The following BPTF variants were observed in gnomAD, a reference collection of about 807,000 sequenced individuals.
BPTF encodes nucleosome-remodeling factor subunit BPTF.
A neutral mutation model predicts 292.5 loss-of-function variants in BPTF; 18 were observed. That is an observed-to-expected ratio of 0.06 (90% confidence interval 0.04 to 0.09). BPTF has a LOEUF of 0.09. BPTF is among the 10% of genes least tolerant of loss of function. The pLI is 1.00. For synonymous variants in BPTF, 1,225 were observed against 1,251.9 expected (o/e 0.98, Z 0.45); for missense variants, 2,726 against 3,498.7 (o/e 0.78, Z 5.57).
intron 11 of BPTF, among the ~76,000 whole-genome samples, chr17:67,917,463 A>C (rs755479952): frequency 7.2e-5 from 11 of 152,080 alleles, no homozygotes; most frequent in Non-Finnish European, 1.5e-4. Flanking sequence ...TCATTGTAGA[A>C]TTTGAAAACT....
At chr17:67,932,881 T>C (rs2064527735) in intron 18 of BPTF, among the ~76,000 whole-genome samples, 1 of 152,076 alleles carries the variant, frequency 6.6e-6, no homozygotes, top group East Asian at 1.9e-4. Flanking sequence ...GCCCTACTGA[T>C]ACTGGGCAGA....
At chr17:67,972,212 A>G (rs1456315857) in intron 26 of BPTF, among the ~76,000 whole-genome samples, 1 of 152,038 alleles carries the variant, frequency 6.6e-6, no homozygotes, top group African/African-American at 2.4e-5. Flanking sequence ...GATTGTTATC[A>G]GTATTATTTA....
At chr17:67,889,741 G>A (rs113825738) in intron 4 of BPTF, among the ~76,000 whole-genome samples, 3,434 of 152,246 alleles carry the variant, frequency 0.023, 114 homozygotes, top group African/African-American at 0.078. Flanking sequence ...CCAGGAGGCA[G>A]AGGTTGCAGT....
At chr17:67,967,133 G>A (rs1467816410) in intron 26 of BPTF, among the ~76,000 whole-genome samples, 3 of 86,280 alleles carry the variant, frequency 3.5e-5, no homozygotes, top group Admixed American at 1.6e-4. Flanking sequence ...AAGTTTAATT[G>A]TGCATACTTT....
At chr17:67,869,827 C>CAAAAAAA (rs772941425) in intron 3 of BPTF, among the ~76,000 whole-genome samples, 34 of 56,442 alleles carry the variant, frequency 6.0e-4, no homozygotes, top group African/African-American at 1.6e-3. Flanking sequence ...ACTAAAAATA[C>CAAAAAAA]AAAAAAAAAA....
intron 26 of BPTF, among the ~76,000 whole-genome samples, chr17:67,971,439 C>T (rs1010672484): frequency 6.6e-6 from 1 of 151,408 alleles, no homozygotes; most frequent in African/African-American, 2.4e-5. Context: ...ATCACTGTGA[C>T]ACCTCCACAC....
At chr17:67,876,679 G>T (rs568725397) in intron 4 of BPTF, among the ~76,000 whole-genome samples, 14 of 152,230 alleles carry the variant, frequency 9.2e-5, no homozygotes, top group African/African-American at 3.4e-4. Context: ...GATATCATGC[G>T]CCTGTAATCC....
intron 1 of BPTF, among the ~76,000 whole-genome samples, chr17:67,848,906 T>C (rs1478612131): frequency 6.6e-6 from 1 of 152,234 alleles, no homozygotes; most frequent in African/African-American, 2.4e-5. Context: ...TGGAAATTCA[T>C]TGACAAATTT....
chr17:67,886,204 T>C, intron 4 of BPTF: 1 of 1,613,984 alleles, frequency 6.2e-7, no homozygotes, highest in Non-Finnish European at 8.5e-7. Context: ...TGGAAAACAG[T>C]AACAGCAGCA....
At chr17:67,858,434 A>G (rs1407925061) in intron 2 of BPTF, among the ~76,000 whole-genome samples, 1 of 152,088 alleles carries the variant, frequency 6.6e-6, no homozygotes, top group Non-Finnish European at 1.5e-5. Context: ...TAAAGTTTAA[A>G]GTTTACTGCT....
At position 67,944,237 on chromosome 17, in the gene BPTF, C is replaced by T; in HGVS notation, c.6565C>T (p.Leu2189Phe). ...LQLIPQGVTV[L>F]PGPGQQLMQA... ...GTTGATACCTCAAGGGGTGACTGTACTCCCAGGCCCAGGCCAGCAGCTAAT... is the reference window on the plus strand; with the variant it reads ...GTTGATACCTCAAGGGGTGACTGTATTCCCAGGCCCAGGCCAGCAGCTAAT... Residue 2189 changes from leucine to phenylalanine, a missense_variant, in exon 20 of 28, where the codon CTC becomes TTC. By Grantham distance (22) the Leu-to-Phe change is conservative (BLOSUM62 0). This residue lies in a region of BPTF where 570 missense variants were observed against 633.5 expected (regional missense o/e 0.90). Transcript: ENST00000306378. 3 of 1,614,152 alleles carry T rather than the reference C, an allele frequency of 1.9e-6. No homozygotes were observed. Among genetic ancestry groups the T allele is most frequent in the East Asian group, 2.2e-5 (1 of 44,882 alleles).
Position 67,944,340 on chromosome 17 carries a change from C to G in BPTF, c.6668C>G (p.Thr2223Ser), listed in dbSNP as rs143937013. ...GCAACAACAGCCACCACAGCCAGCACCACCACCACCACTGTTTCCACGACA... is the reference window on the plus strand; with the variant it reads ...GCAACAACAGCCACCACAGCCAGCAGCACCACCACCACTGTTTCCACGACA... ...PLATTATTAS[T>S]TTTTVSTTAA... is the part of the protein sequence containing the mutation. Residue 2223 changes from threonine to serine, a missense_variant, in exon 20 of 28, where the codon ACC becomes AGC. Thr to Ser is a moderately conservative substitution (Grantham distance 58). This residue lies in a region of BPTF where 570 missense variants were observed against 633.5 expected (regional missense o/e 0.90). Coordinates refer to ENST00000306378, the MANE Select transcript of BPTF (RefSeq NM_182641.4). The G allele has an allele frequency of 1.2e-6, 2 of 1,612,156 alleles. No individual in the cohort carries two copies. Among genetic ancestry groups the G allele is most frequent in the Non-Finnish European group, 1.7e-6 (2 of 1,179,342 alleles).
intron 17 of BPTF, 85 bp downstream of exon 17, chr17:67,929,572 A>G (rs537169788): frequency 1.4e-6 from 2 of 1,456,016 alleles, no homozygotes; most frequent in Non-Finnish European, 1.9e-6. Context: ...GATTAATCCA[A>G]CTCAGTTTCC....
At position 67,929,322 on chromosome 17, in the gene BPTF, C is replaced by G. The variant is rs773782137; in HGVS notation, c.5999-14C>G. 1 of 1,612,030 alleles carries G rather than the reference C, an allele frequency of 6.2e-7. No individual in the cohort carries two copies. Among genetic ancestry groups the G allele is most frequent in the Non-Finnish European group, 8.5e-7 (1 of 1,179,384 alleles). The stretch of plus-strand genomic sequence containing the variant: ...AAGTGATAGTTTTTAATTATGGCTT[C>G]ATCTTTTTTTAAGGCGTTGTTCAAG... On this transcript the variant is annotated splice_polypyrimidine_tract_variant and intron_variant, in intron 16 of 27. Transcript: ENST00000306378.
At chr17:67,868,447 G>A (rs1199880871) in intron 3 of BPTF, among the ~76,000 whole-genome samples, 1 of 152,208 alleles carries the variant, frequency 6.6e-6, no homozygotes, top group African/African-American at 2.4e-5. Flanking sequence ...AGTCAGCCCT[G>A]TGGAACCTGC....
At position 67,825,967 on chromosome 17, in the gene BPTF, GCC is replaced by G; in HGVS notation, c.244_245del (p.Pro82GlyfsTer46). 3 of 1,025,040 alleles carry G rather than the reference GCC, an allele frequency of 2.9e-6. No homozygotes were observed. The highest frequency in any genetic ancestry group is 2.3e-6 in the Non-Finnish European group (2 of 857,582). 63.5% of individuals were successfully genotyped at this position (1,025,040 alleles called of 1,614,324 possible). On this transcript the variant is annotated frameshift_variant, in exon 1 of 28. Transcript: ENST00000306378. LOFTEE classifies it high-confidence loss of function. ...SSRRKPPPPPPAPPSTSAPGR... is the reference protein window; with the variant it reads ...SSRRKPPPPPXAPPSTSAPGR... ...GCCGGAGGAAGCCGCCGCCGCCGCC[GCC>G]GGCCCCCCCCAGCACCAGCGCCCCG...
intron 1 of BPTF, among the ~76,000 whole-genome samples, chr17:67,835,231 A>C (rs997830165): frequency 1.3e-5 from 2 of 152,086 alleles, no homozygotes; most frequent in Non-Finnish European, 2.9e-5. Flanking sequence ...AATTTAAGTA[A>C]AATGAAAAGT....
chr17:67,918,410 C>G (rs1477118513), intron 11 of BPTF, among the ~76,000 whole-genome samples: 1 of 152,076 alleles, frequency 6.6e-6, no homozygotes, highest in East Asian at 1.9e-4. Flanking sequence ...TTTATAAAGT[C>G]TTCATGAATT....
chr17:67,937,305 A>C (rs2064990970), intron 18 of BPTF, among the ~76,000 whole-genome samples: 1 of 151,838 alleles, frequency 6.6e-6, no homozygotes, highest in South Asian at 2.1e-4. Flanking sequence ...AAAATACAAA[A>C]AATTAGCTGG....
Sources: allele counts gnomAD v4.1 joint callset (sites outside exome capture counted in the v4.1 genomes callset), GRCh38; gene constraint gnomAD v4.1.1; regional missense constraint gnomAD v4.1.1; transcripts MANE v1.5; gene names NCBI Gene and HGNC (gene_info 2026-07-23, HGNC 2026-07-21).